TERF2: variants seen among roughly 807,000 people sequenced by gnomAD.
TERF2 encodes the protein telomeric repeat binding factor 2, also known as telomeric repeat-binding factor 2.
TERF2 carries 16 observed loss-of-function variants against 56.1 expected under a neutral mutation model. The ratio of observed to expected loss-of-function variants is 0.29; its 90% CI spans 0.19 to 0.43. The LOEUF (loss-of-function observed/expected upper bound fraction) is 0.43. Ranked by LOEUF, TERF2 falls within the 20% of genes least tolerant of loss-of-function variation. The pLI is 1.00. For synonymous variants in TERF2, 296 were observed against 282.1 expected, an observed-to-expected ratio of 1.05 and a Z score of -0.50; for missense variants, 547 against 712.9, an observed-to-expected ratio of 0.77 and a Z score of 2.65.
At position 69,377,340 on chromosome 16, in the gene TERF2, CTT is replaced by C. The variant is rs1288833244; in HGVS notation, c.607-4987_607-4986del. ...TGAACATTCAGTCTTAATTTTTTTT[CTT>C]TTTTGAGATGGAGTCTTGCTCTGTC... On this transcript the variant is annotated intron_variant, in intron 3 of 9. Coordinates refer to ENST00000254942, the MANE Select transcript of TERF2 (RefSeq NM_005652.5). Among the ~76,000 whole-genome samples the C allele has an allele frequency of 1.0e-4, 15 of 150,624 alleles. No individual in the cohort carries two copies. In the East Asian group the frequency reaches 3.0e-3, roughly 30 times the overall value.
chr16:69,357,585 C>A, intron 8 of TERF2, 24 bp from the exon 9 acceptor site: 2 of 1,612,148 alleles, frequency 1.2e-6, no homozygotes, highest in Non-Finnish European at 1.7e-6. Flanking sequence ...AAAGTAGACT[C>A]ATTTCAGAGT....
At chr16:69,364,420 T>C (rs1217494917) in intron 7 of TERF2, among the ~76,000 whole-genome samples, 1 of 152,194 alleles carries the variant, frequency 6.6e-6, no homozygotes, top group East Asian at 1.9e-4. Flanking sequence ...TCTAATTCAG[T>C]AGCCAGGAGC....
chr16:69,363,966 A>G (rs1416916713), intron 7 of TERF2, among the ~76,000 whole-genome samples: 6 of 152,156 alleles, frequency 3.9e-5, no homozygotes, highest in Non-Finnish European at 4.4e-5. Flanking sequence ...CAGGTGACAG[A>G]GCGAGACCCT....
chr16:69,385,230 T>C (rs373234281), intron 2 of TERF2, among the ~76,000 whole-genome samples, 161 bp downstream of exon 2: 1 of 151,842 alleles, frequency 6.6e-6, no homozygotes, highest in South Asian at 2.1e-4. Flanking sequence ...CGGAGAAAAC[T>C]AGAGCCAGTC....
At chr16:69,384,753 G>T in intron 2 of TERF2, 43 bp from the exon 3 acceptor site, 1 of 1,519,516 alleles carries the variant, frequency 6.6e-7, no homozygotes, top group Non-Finnish European at 8.8e-7. Context: ...CTTTTCTAAG[G>T]GTAAAAAAGT....
intron 3 of TERF2, among the ~76,000 whole-genome samples, chr16:69,373,896 C>G (rs2013668746): frequency 6.6e-6 from 1 of 152,102 alleles, no homozygotes; most frequent in African/African-American, 2.4e-5. Context: ...GAAGAATGTA[C>G]AGAGACACAG....
chr16:69,370,301 G>C lies in TERF2; in HGVS notation c.840+182C>G, dbSNP rs915672271. On this transcript the variant is annotated intron_variant, in intron 5 of 9. Coordinates refer to ENST00000254942, the MANE Select transcript of TERF2 (RefSeq NM_005652.5). ...CCCCCTGGGCCTCCCAAAGTGCTGG[G>C]ATTACAGGCGTGAGCCATTGCGCCT... The C allele has an allele frequency of 1.6e-5, 13 of 804,510 alleles. No homozygotes were observed. The African/African-American group carries it at 2.1e-4, about 13-fold the overall frequency. The allele number at this position is 804,510 out of a possible 1,614,324, so 49.8% of individuals were successfully genotyped here. A position where few individuals can be genotyped will look rare whatever the true frequency, so the allele number is the denominator to read the frequency against.
chr16:69,361,578 A>C, intron 7 of TERF2, 89 bp from the exon 8 acceptor site: 1 of 908,630 alleles, frequency 1.1e-6, no homozygotes, highest in Non-Finnish European at 1.8e-6. Flanking sequence ...TTGGCCCTGT[A>C]CTCCTTCCTG....
intron 9 of TERF2, 135 bp downstream of exon 9, chr16:69,357,383 A>T: frequency 2.7e-6 from 2 of 727,452 alleles, no homozygotes. Context: ...ACTTTAACTT[A>T]GTTTGGATTA....
At chr16:69,384,950 AT>A (rs2014135269) in intron 2 of TERF2, among the ~76,000 whole-genome samples, 1 of 152,204 alleles carries the variant, frequency 6.6e-6, no homozygotes, top group African/African-American at 2.4e-5. Flanking sequence ...TTATTTTTAA[AT>A]ACCTGCATTT....
Position 69,385,654 on chromosome 16 carries a change from C to T in TERF2, c.318G>A (p.Ala106=). The T allele has an allele frequency of 1.2e-6, 2 of 1,611,812 alleles. No individual in the cohort carries two copies. Among genetic ancestry groups the T allele is most frequent in the Non-Finnish European group, 1.7e-6 (2 of 1,179,580 alleles). The change falls in exon 1 of 10, where the codon GCG becomes GCA. Residue 106 remains alanine, a synonymous_variant. Transcript: ENST00000254942. The stretch of plus-strand genomic sequence containing the variant: ...ACCGGCTACCCCGAAAGGCCCGCAG[C>T]GCCTCGTGGAAGTAGAACTTGAGCA... The part of the protein sequence containing the change: ...RWVLKFYFHE[A]LRAFRGSRYG...
At position 69,375,910 on chromosome 16, in the gene TERF2, T is replaced by C. The variant is rs146770169; in HGVS notation, c.607-3555A>G. On this transcript the variant is annotated intron_variant, in intron 3 of 9. Transcript: ENST00000254942. ...GGTGAGCTTTTTGCCCATTTAAAAC[T>C]AGGGTTGTATAGACTTGTTTCTTTT... is the stretch of plus-strand genomic sequence containing the variant. Among the ~76,000 whole-genome samples the C allele has an allele frequency of 4.1e-3, 632 of 152,298 alleles. 6 individuals carry two copies. Among genetic ancestry groups the C allele is most frequent in the African/African-American group, 0.014 (561 of 41,546 alleles).
chr16:69,378,706 T>C (rs944276034), intron 3 of TERF2, among the ~76,000 whole-genome samples: 6 of 152,204 alleles, frequency 3.9e-5, no homozygotes, highest in African/African-American at 1.4e-4. Flanking sequence ...TATATGCCTA[T>C]TTCCAGATAG....
intron 7 of TERF2, among the ~76,000 whole-genome samples, chr16:69,362,287 G>A (rs2013173516): frequency 6.6e-6 from 1 of 151,922 alleles, no homozygotes. Flanking sequence ...TCAAGGCCAT[G>A]GTTCTCAGTG....
At chr16:69,368,272 G>C in intron 6 of TERF2, 104 bp downstream of exon 6, 1 of 1,018,902 alleles carries the variant, frequency 9.8e-7, no homozygotes, top group East Asian at 2.4e-5. Context: ...TAACACGTTA[G>C]TAGGTCGGAG....
chr16:69,384,634 T>G lies in TERF2; in HGVS notation c.552A>C (p.Glu184Asp). ...CGACCACTGCTTCTGTCAGTGTAAA[T>G]TCCGTTTTAATCATCTCCAGCACAT... is the stretch of plus-strand genomic sequence containing the variant. ...AINVLEMIKT[E>D]FTLTEAVVES... Residue 184 changes from glutamate (E) to aspartate (D), a missense_variant, in exon 3 of 10, where the codon GAA becomes GAC. Physicochemically the swap from Glu to Asp is conservative, Grantham distance 45 (BLOSUM62 2). Coordinates refer to ENST00000254942, the MANE Select transcript of TERF2 (RefSeq NM_005652.5). The G allele has an allele frequency of 6.2e-7, 1 of 1,614,190 alleles. No homozygotes were observed. Among genetic ancestry groups the G allele is most frequent in the African/African-American group, 1.3e-5 (1 of 75,054 alleles).
chr16:69,359,282 C>G (rs2142703951), intron 8 of TERF2, among the ~76,000 whole-genome samples: 1 of 152,300 alleles, frequency 6.6e-6, no homozygotes, highest in South Asian at 2.1e-4. Flanking sequence ...AATCCCAGCA[C>G]TTTGGGAGGC....
At chr16:69,357,184 G>A (rs2012937251) in intron 9 of TERF2, 128 bp from the exon 10 acceptor site, 2 of 1,131,208 alleles carry the variant, frequency 1.8e-6, no homozygotes, top group African/African-American at 3.1e-5. Context: ...CACAGCTTAT[G>A]TTTTTAAACA....
In TERF2 at chr16:69,368,436, C is replaced by G. The variant is rs1470506658; in HGVS notation, c.887G>C (p.Gly296Ala). The G allele has an allele frequency of 6.2e-7, 1 of 1,614,152 alleles. No individual in the cohort carries two copies. The highest frequency in any genetic ancestry group is 1.1e-5 in the South Asian group (1 of 91,084). ...TGGTGCTGGCTGTTTATCTTCCTTC[C>G]CTGTACTTGAGGCAGCGGACTCAGA... ...LKSESAASST[G>A]KEDKQPAPGP... The change falls in exon 6 of 10, where the codon GGG becomes GCG. Residue 296 changes from glycine to alanine, a missense_variant. By Grantham distance (60) the Gly-to-Ala change is moderately conservative (BLOSUM62 0). This residue lies in a region of TERF2 where 211 missense variants were observed against 236.8 expected (regional missense o/e 0.89). Transcript: ENST00000254942.
Sources: allele counts gnomAD v4.1 joint callset (sites outside exome capture counted in the v4.1 genomes callset), GRCh38; gene constraint gnomAD v4.1.1; regional missense constraint gnomAD v4.1.1; transcripts MANE v1.5; gene names NCBI Gene and HGNC (gene_info 2026-07-23, HGNC 2026-07-21).